GATM: variants seen among roughly 807,000 people sequenced by gnomAD.
The protein encoded by GATM is glycine amidinotransferase, mitochondrial.
In GATM, 23 loss-of-function variants were observed where a neutral mutation model predicts 54.2. The observed-to-expected ratio is 0.42, with a 90% CI of 0.31 to 0.60. The LOEUF (loss-of-function observed/expected upper bound fraction) is 0.60, where lower values mean the gene tolerates loss of function less well. Ranked by LOEUF, GATM falls within the 20% of genes least tolerant of loss-of-function variation. GATM has a pLI of 0.14. For missense variants in GATM, 401 were observed against 544.9 expected (o/e 0.74, Z 2.63); for synonymous variants, 168 against 183.1 (o/e 0.92, Z 0.67).
At chr15:45,362,839 A>G (rs930801308) in intron 8 of GATM, among the ~76,000 whole-genome samples, 2 of 152,244 alleles carry the variant, frequency 1.3e-5, no homozygotes, top group African/African-American at 4.8e-5. Context: ...TTTAGGAAGA[A>G]TCTGTTGTGT....
At chr15:45,393,509 A>C (rs996351827) in intron 3 of GATM, among the ~76,000 whole-genome samples, 14 of 152,150 alleles carry the variant, frequency 9.2e-5, no homozygotes, top group African/African-American at 3.4e-4. Flanking sequence ...CTGGTACTCT[A>C]TCTGTGTAGC....
At chr15:45,365,941 G>C in intron 6 of GATM, 105 bp downstream of exon 6, 1 of 1,073,406 alleles carries the variant, frequency 9.3e-7, no homozygotes, top group South Asian at 1.3e-5. Flanking sequence ...TGCTGAATCT[G>C]TCATTTAGAA....
chr15:45,362,714 A>C (rs1889383442), intron 8 of GATM, among the ~76,000 whole-genome samples: 2 of 152,186 alleles, frequency 1.3e-5, no homozygotes, highest in South Asian at 4.1e-4. Context: ...CTGGTGTTTT[A>C]ATATCTGGGT....
At chr15:45,393,437 C>T (rs1042070498) in intron 3 of GATM, among the ~76,000 whole-genome samples, 2 of 151,836 alleles carry the variant, frequency 1.3e-5, no homozygotes, top group African/African-American at 4.8e-5. Flanking sequence ...AAAATAGTTC[C>T]AACCTCCCAA....
chr15:45,396,684 C>T (rs1443942873), intron 3 of GATM, among the ~76,000 whole-genome samples: 1 of 151,890 alleles, frequency 6.6e-6, no homozygotes, highest in Non-Finnish European at 1.5e-5. Context: ...TCCTGGCCAA[C>T]ATGGAGAAAC....
chr15:45,376,744 A>G lies in GATM; in HGVS notation c.145T>C (p.Ser49Pro), dbSNP rs796052537. Reference protein sequence around the residue: ...TQAATASSRNSCAADDKATEP... With the variant: ...TQAATASSRNPCAADDKATEP... ...GTGGCTTTGTCGTCAGCTGCACAGG[A>G]GTTCCGGGAGGAAGCCGTAGCTGCC... The change falls in exon 2 of 9, where the codon TCC becomes CCC. Residue 49 changes from serine to proline, a missense_variant. Around this residue, in one of 3 missense-constraint regions of GATM, gnomAD observed 70 missense variants for 61.5 expected, o/e 1.14. Coordinates refer to ENST00000396659, the MANE Select transcript of GATM (RefSeq NM_001482.3). 1.2e-6 allele frequency: 2 copies of G among 1,614,184 alleles called. No homozygotes were observed. Among genetic ancestry groups the G allele is most frequent in the African/African-American group, 2.7e-5 (2 of 75,050 alleles).
chr15:45,369,202 A>G (rs1889497210), intron 3 of GATM, 124 bp downstream of exon 3: 1 of 751,336 alleles, frequency 1.3e-6, no homozygotes, highest in Non-Finnish European at 2.3e-6. Context: ...ATAAATCTTT[A>G]AAGTTTTCAA....
At position 45,375,962 on chromosome 15, in the gene GATM, A is replaced by G. The variant is rs763960126; in HGVS notation, c.288+639T>C. On this transcript the variant is annotated intron_variant, in intron 2 of 8. Coordinates refer to ENST00000396659, the MANE Select transcript of GATM (RefSeq NM_001482.3). ...AGTCCAGGCAGCAGATGAGCTCCCA[A>G]CCTTTAGGGAGAGGCAAAGCAGAGG... Among the ~76,000 whole-genome samples the G allele has an allele frequency of 7.9e-5, 12 of 152,282 alleles. No individual in the cohort carries two copies. The South Asian group carries it at 2.3e-3, about 29-fold the overall frequency.
intron 3 of GATM, among the ~76,000 whole-genome samples, chr15:45,395,374 A>G (rs1889916830): frequency 6.6e-6 from 1 of 152,218 alleles, no homozygotes; most frequent in Non-Finnish European, 1.5e-5. Context: ...TTTCAAGCTC[A>G]TTCTCCTAGA....
chr15:45,400,556 C>G (rs1376710317), intron 1 of GATM, among the ~76,000 whole-genome samples: 1 of 152,174 alleles, frequency 6.6e-6, no homozygotes, highest in East Asian at 1.9e-4. Context: ...TCTTGTTTGA[C>G]CTTGTATAAA....
At chr15:45,378,353 C>A in intron 1 of GATM, 32 bp downstream of exon 1, 1 of 1,497,414 alleles carries the variant, frequency 6.7e-7, no homozygotes, top group African/African-American at 1.4e-5. Context: ...GTGAGTCACG[C>A]GGCCGCCAGA....
At position 45,364,783 on chromosome 15, in the gene GATM, G is replaced by A. The variant is rs1243380902; in HGVS notation, c.1042+14C>T. On this transcript the variant is annotated intron_variant, in intron 7 of 8. Transcript: ENST00000396659. ...TAATTATTTTAGTCTAACAGTGTAT[G>A]AAAGTAAACATACCGTCTGGGATGA... 2 of 1,607,566 alleles carry A rather than the reference G, an allele frequency of 1.2e-6. No homozygotes were observed. The highest frequency in any genetic ancestry group is 1.7e-6 in the Non-Finnish European group (2 of 1,174,232).
intron 1 of GATM, among the ~76,000 whole-genome samples, chr15:45,400,422 A>C (rs1478034289): frequency 6.6e-6 from 1 of 152,210 alleles, no homozygotes; most frequent in East Asian, 1.9e-4. Flanking sequence ...TAAGAGCTGA[A>C]GGCCCAGTAA....
In GATM at chr15:45,383,578, C is replaced by T. The variant is rs144426441; in HGVS notation, c.-318-6759G>A. Among the ~76,000 whole-genome samples the T allele has an allele frequency of 3.4e-3, 506 of 149,980 alleles. 1 individual carries two copies. Among genetic ancestry groups the T allele is most frequent in the African/African-American group, 0.012 (483 of 40,950 alleles). On this transcript the variant is annotated intron_variant, in intron 3 of 4. Coordinates refer to the GATM transcript ENST00000561148. Reference sequence around the variant, plus strand: ...ACTAAACTTAAAGGCAAAGGCCAACCCATTTGCCAAATTGCTGCTTTTTTT... The same window carrying T: ...ACTAAACTTAAAGGCAAAGGCCAACTCATTTGCCAAATTGCTGCTTTTTTT...
chr15:45,377,570 T>C, intron 1 of GATM: 2 of 297,132 alleles, frequency 6.7e-6, no homozygotes, highest in Non-Finnish European at 1.3e-5. Context: ...GGAGGGTCCC[T>C]CAACCCCTGA....
chr15:45,396,869 CAAAA>C (rs57667717), intron 3 of GATM: 22,814 of 65,624 alleles, frequency 0.35, 1,769 homozygotes, highest in East Asian at 0.59. Context: ...GACTCCGTCT[CAAAA>C]AAAAAAAAAA....
chr15:45,389,840 CTTTT>C (rs1334945076), intron 3 of GATM, among the ~76,000 whole-genome samples: 2 of 151,882 alleles, frequency 1.3e-5, no homozygotes, highest in Non-Finnish European at 2.9e-5. Context: ...TTTTGCATTT[CTTTT>C]TTTCTTTTTT....
intron 4 of GATM, among the ~76,000 whole-genome samples, chr15:45,366,959 A>C (rs1889459649): frequency 6.6e-6 from 1 of 152,238 alleles, no homozygotes; most frequent in Non-Finnish European, 1.5e-5. Context: ...TGTACAGGAA[A>C]AAACAAAATA....
chr15:45,365,670 C>T (rs141722189), intron 6 of GATM, among the ~76,000 whole-genome samples: 1 of 152,344 alleles, frequency 6.6e-6, no homozygotes, highest in Non-Finnish European at 1.5e-5. Context: ...AATACAACCA[C>T]TGCCCAGTGG....
Sources: gnomAD v4.1 joint callset for allele counts (sites outside exome capture counted in the v4.1 genomes callset) on GRCh38, gnomAD v4.1.1 for gene constraint, gnomAD v4.1.1 regional missense constraint, MANE v1.5 for transcripts, NCBI Gene and HGNC (gene_info 2026-07-23, HGNC 2026-07-21) for gene names.